Variants in USP20 observed in about 807,000 individuals in gnomAD.
The protein encoded by USP20 is ubiquitin specific peptidase 20.
In USP20, 80 loss-of-function variants were observed where a neutral mutation model predicts 124.2. The ratio of observed to expected loss-of-function variants is 0.64; its 90% CI spans 0.54 to 0.78. USP20 has a LOEUF of 0.78. USP20 is among the 30% of genes least tolerant of loss of function. The probability of loss-of-function intolerance (pLI) is 0.00; values close to 1 mark genes in which losing one functional copy is unlikely to be tolerated. For synonymous variants in USP20, 481 were observed against 512.3 expected (o/e 0.94, Z 0.83); for missense variants, 1,043 against 1,244.4 (o/e 0.84, Z 2.44).
intron 1 of USP20, among the ~76,000 whole-genome samples, chr9:129,845,982 T>C (rs2032515678): frequency 6.6e-6 from 1 of 151,964 alleles, no homozygotes; most frequent in Admixed American, 6.6e-5. Context: ...TGGAGCGCAG[T>C]GGTGCGATCT....
At chr9:129,848,545 C>T (rs1210782739) in intron 1 of USP20, among the ~76,000 whole-genome samples, 3 of 151,672 alleles carry the variant, frequency 2.0e-5, no homozygotes, top group Non-Finnish European at 4.4e-5. Flanking sequence ...CCCAGCAACT[C>T]AGGAGGCTGA....
chr9:129,878,949 C>G (rs1012340163), intron 23 of USP20, among the ~76,000 whole-genome samples: 1 of 152,236 alleles, frequency 6.6e-6, no homozygotes, highest in African/African-American at 2.4e-5. Flanking sequence ...CGGGGCCCGG[C>G]AGGGTGGGTA....
At chr9:129,851,547 C>T (rs2032920820) in intron 2 of USP20, among the ~76,000 whole-genome samples, 1 of 111,352 alleles carries the variant, frequency 9.0e-6, no homozygotes, top group Admixed American at 8.4e-5. Context: ...GCACTTTTAA[C>T]ACACGTGTAG....
At chr9:129,880,011 T>C in intron 24 of USP20, 102 bp from the exon 25 acceptor site, 1 of 1,439,438 alleles carries the variant, frequency 6.9e-7, no homozygotes, top group Non-Finnish European at 9.4e-7. Context: ...GGTTGCCGTC[T>C]TCCCGCTTCG....
At position 129,868,426 on chromosome 9, in the gene USP20, C is replaced by T; in HGVS notation, c.1112C>T (p.Ser371Phe). 4 of 1,611,062 alleles carry T rather than the reference C, an allele frequency of 2.5e-6. No homozygotes were observed. The highest frequency in any genetic ancestry group is 2.2e-5 in the East Asian group (1 of 44,822). Reference sequence around the variant, plus strand: ...GAGGCCCAGCCCCCGTCACCACGGTCCTCCAGCCCCTGCCGGACGCCAGGT... The same window carrying T: ...GAGGCCCAGCCCCCGTCACCACGGTTCTCCAGCCCCTGCCGGACGCCAGGT... ...PAEAQPPSPR[S>F]SSPCRTPEPD... The change falls in exon 11 of 26, where the codon TCC becomes TTC. Residue 371 changes from serine to phenylalanine, a missense_variant. Ser to Phe is a radical substitution (Grantham distance 155, BLOSUM62 -2). Coordinates refer to ENST00000372429, the MANE Select transcript of USP20 (RefSeq NM_001110303.4).
intron 6 of USP20, among the ~76,000 whole-genome samples, chr9:129,860,312 A>G (rs2033471522): frequency 7.0e-6 from 1 of 142,192 alleles, no homozygotes; most frequent in Non-Finnish European, 1.5e-5. Context: ...CCTGGGCAAC[A>G]GAGCGAGACT....
intron 3 of USP20, among the ~76,000 whole-genome samples, chr9:129,855,416 G>A (rs2033158970): frequency 7.0e-6 from 1 of 142,710 alleles, no homozygotes; most frequent in Non-Finnish European, 1.5e-5. Context: ...GGGTGACAGA[G>A]CGAGACTCCA....
chr9:129,838,228 G>A (rs1267736373), intron 1 of USP20, among the ~76,000 whole-genome samples: 1 of 152,036 alleles, frequency 6.6e-6, no homozygotes, highest in East Asian at 1.9e-4. Flanking sequence ...TTTTAGTAGA[G>A]ACGGGGTTTC....
chr9:129,837,663 C>A (rs1179398240), intron 1 of USP20, among the ~76,000 whole-genome samples: 1 of 152,100 alleles, frequency 6.6e-6, no homozygotes, highest in Non-Finnish European at 1.5e-5. Context: ...ATGGTAAGTG[C>A]TGTGGAAAAG....
chr9:129,858,682 TG>T (rs2033351564), intron 6 of USP20, 84 bp downstream of exon 6: 3 of 1,561,236 alleles, frequency 1.9e-6, no homozygotes, highest in Non-Finnish European at 2.6e-6. Context: ...CCGTGGAGCA[TG>T]GGGCAGTAGG....
intron 15 of USP20, 69 bp from the exon 16 acceptor site, chr9:129,873,413 T>C: frequency 1.0e-5 from 16 of 1,574,342 alleles, no homozygotes; most frequent in Non-Finnish European, 1.3e-5. Context: ...GAAATCATTA[T>C]AGTCACTTTT....
chr9:129,867,254 A>G (rs1320598425), intron 10 of USP20, among the ~76,000 whole-genome samples: 1 of 152,158 alleles, frequency 6.6e-6, no homozygotes, highest in Non-Finnish European at 1.5e-5. Context: ...GTGAGCACAC[A>G]GATCTCAGTG....
intron 3 of USP20, among the ~76,000 whole-genome samples, chr9:129,855,287 C>T (rs535145238): frequency 1.6e-4 from 24 of 152,148 alleles, no homozygotes; most frequent in African/African-American, 4.1e-4. Context: ...AAAAATTAGC[C>T]GGGCGAGGTG....
At chr9:129,863,082 T>TGCTCCCTGTGCGAGCACTCAGG (rs2033632630) in intron 8 of USP20, 104 bp from the exon 9 acceptor site, 1 of 794,500 alleles carries the variant, frequency 1.3e-6, no homozygotes, top group African/African-American at 1.7e-5. Context: ...AGGGCCACTG[T>TGCTCCCTGTGCGAGCACTCAGG]GCTCCCTGTG....
intron 1 of USP20, among the ~76,000 whole-genome samples, chr9:129,836,660 A>T (rs1412729253): frequency 6.6e-6 from 1 of 152,186 alleles, no homozygotes; most frequent in African/African-American, 2.4e-5. Flanking sequence ...AACAGTCTCC[A>T]CTGAGATTGT....
chr9:129,869,980 G>A (rs2034036202), intron 14 of USP20, 136 bp downstream of exon 14: 4 of 1,054,154 alleles, frequency 3.8e-6, no homozygotes, highest in African/African-American at 3.2e-5. Context: ...GCCGAAGCCT[G>A]CAGAGGAGTT....
At chr9:129,863,129 A>C in intron 8 of USP20, 57 bp from the exon 9 acceptor site, 1 of 1,397,838 alleles carries the variant, frequency 7.2e-7, no homozygotes, top group Non-Finnish European at 9.7e-7. Context: ...AGCCCTTTCT[A>C]AACTGCCGCA....
At chr9:129,854,658 G>A (rs561168648) in intron 3 of USP20, among the ~76,000 whole-genome samples, 1 of 152,188 alleles carries the variant, frequency 6.6e-6, no homozygotes, top group African/African-American at 2.4e-5. Flanking sequence ...AAAAAAACTG[G>A]GAAGAGGAGG....
At chr9:129,844,187 G>A (rs2032399544) in intron 1 of USP20, among the ~76,000 whole-genome samples, 2 of 151,990 alleles carry the variant, frequency 1.3e-5, no homozygotes, top group Non-Finnish European at 2.9e-5. Context: ...ATTCAGTAAG[G>A]GGTTGTATAG....
Sources: allele counts gnomAD v4.1 joint callset (sites outside exome capture counted in the v4.1 genomes callset), GRCh38; gene constraint gnomAD v4.1.1; transcripts MANE v1.5; gene names NCBI Gene and HGNC (gene_info 2026-07-23, HGNC 2026-07-21).